The following FSTL5 variants were observed in gnomAD, a reference collection of about 807,000 sequenced individuals.
FSTL5 encodes the protein follistatin-related protein 5.
In FSTL5, 62 loss-of-function variants were observed where a neutral mutation model predicts 89.1. The observed-to-expected ratio is 0.70, with a 90% CI of 0.57 to 0.86. The LOEUF (loss-of-function observed/expected upper bound fraction) is 0.86, where lower values mean the gene tolerates loss of function less well. FSTL5 is among the 40% of genes least tolerant of loss of function. The pLI is 0.00. For missense variants in FSTL5, 1,057 were observed against 1,001.6 expected, an observed-to-expected ratio of 1.06 and a Z score of -0.75; for synonymous variants, 383 against 346.2, an observed-to-expected ratio of 1.11 and a Z score of -1.18.
rs529932966 is a variant in FSTL5 at position 162,013,014 on chromosome 4, T to A, written c.160+20611A>T. ...GTCTGCACAACATGGTGAAACCCTG[T>A]CTCCATTGAAAATACAAAAATTAGC... On this transcript the variant is annotated intron_variant, in intron 3 of 15. Transcript: ENST00000306100. Among the ~76,000 whole-genome samples, 20 of 152,104 alleles carry A rather than the reference T, an allele frequency of 1.3e-4. No individual in the cohort carries two copies. In the East Asian group the frequency reaches 2.1e-3, roughly 16 times the overall value.
Position 161,793,323 on chromosome 4 carries a change from C to A in FSTL5, c.410-17249G>T, listed in dbSNP as rs148497082. ...GTGGGCAGAACAAGCCTAGCAGGCC[C>A]GAGCAAACCATGGCAACAGAGGTTT... On this transcript the variant is annotated intron_variant, in intron 4 of 15. Coordinates refer to ENST00000306100, the MANE Select transcript of FSTL5 (RefSeq NM_020116.5). Among the ~76,000 whole-genome samples, 265 of 152,266 alleles carry A rather than the reference C, an allele frequency of 1.7e-3. 7 individuals are homozygous for A. Among genetic ancestry groups the A allele is most frequent in the East Asian group, 1.4e-3 (7 of 5,172 alleles).
At chr4:162,026,995 C>G (rs1036582409) in intron 3 of FSTL5, among the ~76,000 whole-genome samples, 14 of 152,034 alleles carry the variant, frequency 9.2e-5, no homozygotes, top group Admixed American at 1.3e-4. Context: ...CTTTTGAAAA[C>G]TAGAGGATAT....
chr4:161,521,866 A>AAAAAAAAAAG (rs1731046246), intron 10 of FSTL5, among the ~76,000 whole-genome samples: 172 of 116,282 alleles, frequency 1.5e-3, no homozygotes, highest in Non-Finnish European at 2.3e-3. Flanking sequence ...AAAAAAAAAG[A>AAAAAAAAAAG]AAAAAAAAGA....
At chr4:161,479,868 T>A (rs1729436197) in intron 13 of FSTL5, among the ~76,000 whole-genome samples, 1 of 152,138 alleles carries the variant, frequency 6.6e-6, no homozygotes, top group Admixed American at 6.6e-5. Context: ...TTTGTATTTG[T>A]GAAATAAGAA....
intron 15 of FSTL5, among the ~76,000 whole-genome samples, chr4:161,397,584 A>G (rs929352311): frequency 2.6e-5 from 4 of 151,452 alleles, no homozygotes; most frequent in Non-Finnish European, 4.4e-5. Flanking sequence ...ATAAAATTAT[A>G]TATAGTATTT....
intron 2 of FSTL5, among the ~76,000 whole-genome samples, chr4:162,068,573 C>T (rs1185679075): frequency 6.6e-6 from 1 of 151,708 alleles, no homozygotes; most frequent in Non-Finnish European, 1.5e-5. Flanking sequence ...AAGACTTAAA[C>T]GTAAAATCAA....
chr4:161,886,282 AG>A (rs1732804573), intron 4 of FSTL5, among the ~76,000 whole-genome samples: 1 of 152,230 alleles, frequency 6.6e-6, no homozygotes, highest in Non-Finnish European at 1.5e-5. Flanking sequence ...GGACATTTCA[AG>A]TGACATGAGT....
intron 4 of FSTL5, among the ~76,000 whole-genome samples, chr4:161,908,876 T>A (rs1733612292): frequency 6.6e-6 from 1 of 152,122 alleles, no homozygotes; most frequent in Non-Finnish European, 1.5e-5. Context: ...TAACTGTCCA[T>A]CCATACCATG....
At chr4:162,092,105 A>C (rs1336414538) in intron 2 of FSTL5, among the ~76,000 whole-genome samples, 1 of 152,062 alleles carries the variant, frequency 6.6e-6, no homozygotes, top group African/African-American at 2.4e-5. Flanking sequence ...CATTAATACA[A>C]TGGTTGTCTA....
intron 10 of FSTL5, among the ~76,000 whole-genome samples, chr4:161,510,894 G>T (rs1212515140): frequency 6.6e-6 from 1 of 151,830 alleles, no homozygotes; most frequent in African/African-American, 2.4e-5. Context: ...GTAAATCCAA[G>T]ATCTTGAACA....
At chr4:161,601,879 C>T (rs1734250578) in intron 7 of FSTL5, among the ~76,000 whole-genome samples, 1 of 152,082 alleles carries the variant, frequency 6.6e-6, no homozygotes, top group Non-Finnish European at 1.5e-5. Flanking sequence ...TAAACTTGGT[C>T]TCCACTACCT....
At chr4:161,493,911 T>C (rs1244074496) in intron 12 of FSTL5, among the ~76,000 whole-genome samples, 1 of 152,114 alleles carries the variant, frequency 6.6e-6, no homozygotes, top group Non-Finnish European at 1.5e-5. Context: ...TGTAACTCCA[T>C]TAGATTTATA....
chr4:161,994,289 AT>A (rs1203670327), intron 3 of FSTL5, among the ~76,000 whole-genome samples: 1 of 152,146 alleles, frequency 6.6e-6, no homozygotes, highest in Non-Finnish European at 1.5e-5. Context: ...CCAGCCTGTC[AT>A]TGATGGGCAT....
At chr4:161,901,435 G>T (rs1467589501) in intron 4 of FSTL5, among the ~76,000 whole-genome samples, 2 of 152,062 alleles carry the variant, frequency 1.3e-5, no homozygotes, top group African/African-American at 4.8e-5. Context: ...GCAGAGAGGG[G>T]GAGTGATAAG....
chr4:161,636,393 T>A (rs993344006), intron 7 of FSTL5, among the ~76,000 whole-genome samples: 3 of 151,744 alleles, frequency 2.0e-5, no homozygotes, highest in African/African-American at 7.2e-5. Flanking sequence ...ATCCATAATC[T>A]CTTGCCCCTT....
At chr4:161,844,210 T>C (rs750260283) in intron 4 of FSTL5, among the ~76,000 whole-genome samples, 16 of 152,142 alleles carry the variant, frequency 1.1e-4, no homozygotes, top group African/African-American at 3.6e-4. Context: ...TCACTGGTCA[T>C]TAGAGAAATG....
intron 6 of FSTL5, among the ~76,000 whole-genome samples, chr4:161,657,880 A>G (rs1382638639): frequency 6.6e-6 from 1 of 151,992 alleles, no homozygotes; most frequent in East Asian, 1.9e-4. Context: ...ATATACTCAC[A>G]CTCCTATTCT....
intron 4 of FSTL5, among the ~76,000 whole-genome samples, chr4:161,892,396 T>C (rs1338623134): frequency 6.6e-6 from 1 of 152,028 alleles, no homozygotes; most frequent in Non-Finnish European, 1.5e-5. Flanking sequence ...TTAGTTGTAG[T>C]TTCAATAAAA....
chr4:161,841,124 C>A (rs1197554610), intron 4 of FSTL5, among the ~76,000 whole-genome samples: 13 of 152,132 alleles, frequency 8.5e-5, no homozygotes, highest in Admixed American at 8.5e-4. Context: ...AGAATGGGAC[C>A]TTACTGTTAG....
Sources: allele counts gnomAD v4.1 joint callset (sites outside exome capture counted in the v4.1 genomes callset), GRCh38; gene constraint gnomAD v4.1.1; transcripts MANE v1.5; gene names NCBI Gene and HGNC (gene_info 2026-07-23, HGNC 2026-07-21).